BBS2: variants seen among roughly 807,000 people sequenced by gnomAD.
BBS2 encodes BBSome complex member BBS2.
A neutral mutation model predicts 83.0 loss-of-function variants in BBS2; 62 were observed. The ratio of observed to expected loss-of-function variants is 0.75; its 90% CI spans 0.61 to 0.92. BBS2 has a LOEUF of 0.92. Among genes scored for constraint, BBS2 ranks in the 40% least tolerant of loss-of-function variants. BBS2 has a pLI of 0.00. For synonymous variants in BBS2, 303 were observed against 326.1 expected (o/e 0.93, Z 0.76); for missense variants, 784 against 901.0 (o/e 0.87, Z 1.66).
At position 56,497,878 on chromosome 16, in the gene BBS2, G is replaced by A. The variant is rs774112668; in HGVS notation, c.1662C>T (p.Ile554=). Residue 554 remains isoleucine, a splice_region_variant and synonymous_variant, in exon 14 of 17, where the codon ATC becomes ATT. Coordinates refer to ENST00000245157, the MANE Select transcript of BBS2 (RefSeq NM_031885.5). The part of the protein sequence containing the change: ...LHIKIKLSGE[I]TINTDDIDLA... ...AATCAATATCATCAGTATTTATAGT[G>A]ATCTACCCAGAGAAAAAATAGACAA... 2 of 1,609,346 alleles carry A rather than the reference G, an allele frequency of 1.2e-6. No homozygotes were observed. The highest frequency in any genetic ancestry group is 1.7e-6 in the Non-Finnish European group (2 of 1,179,738).
chr16:56,492,056 T>TC (rs1567568779), intron 15 of BBS2, among the ~76,000 whole-genome samples: 42 of 151,132 alleles, frequency 2.8e-4, no homozygotes, highest in African/African-American at 9.7e-4. Context: ...AATGATTAAA[T>TC]ATTAAAAATT....
chr16:56,501,935 T>C, intron 9 of BBS2: 2 of 371,744 alleles, frequency 5.4e-6, no homozygotes, highest in East Asian at 6.7e-5. Context: ...ACATTCTATA[T>C]TGTTCTTGCC....
At chr16:56,495,872 A>C (rs778350173) in intron 15 of BBS2, among the ~76,000 whole-genome samples, 1 of 151,732 alleles carries the variant, frequency 6.6e-6, no homozygotes, top group Non-Finnish European at 1.5e-5. Context: ...CAATGTCCAA[A>C]ATTTGCCTCA....
chr16:56,516,413 T>C (rs904406558), intron 1 of BBS2, among the ~76,000 whole-genome samples: 2 of 152,220 alleles, frequency 1.3e-5, no homozygotes, highest in Non-Finnish European at 2.9e-5. Flanking sequence ...TATATGTTTT[T>C]TGAGACGGAG....
chr16:56,500,624 CAAAAAAAA>C, intron 11 of BBS2: 1 of 291,498 alleles, frequency 3.4e-6, no homozygotes, highest in East Asian at 6.9e-5. Context: ...GAATCTGTCT[CAAAAAAAA>C]AAAAAAAAAA....
At chr16:56,473,092 G>A (rs1234254570) in intron 17 of BBS2, among the ~76,000 whole-genome samples, 6 of 152,038 alleles carry the variant, frequency 3.9e-5, no homozygotes, top group African/African-American at 4.8e-5. Flanking sequence ...CACCACGCCC[G>A]GCTAACGTTT....
In BBS2 at chr16:56,499,622, T is replaced by C; in HGVS notation, c.1527+156A>G. ...AGAAGGTATTTTAGCAATATTTTTA[T>C]TACAGGTTACAAGCCACCCCCAAGT... On this transcript the variant is annotated intron_variant, in intron 12 of 16. Transcript: ENST00000245157. 3 of 946,356 alleles carry C rather than the reference T, an allele frequency of 3.2e-6. No individual in the cohort carries two copies. The South Asian group carries it at 4.2e-5, about 13-fold the overall frequency. 58.6% of individuals were successfully genotyped at this position (946,356 alleles called of 1,614,324 possible).
chr16:56,497,166 A>G (rs1597011981), intron 14 of BBS2, 87 bp from the exon 15 acceptor site: 1 of 881,148 alleles, frequency 1.1e-6, no homozygotes, highest in East Asian at 2.4e-5. Context: ...TACCAGATAC[A>G]GAGACCCCCT....
intron 5 of BBS2, 197 bp downstream of exon 5, chr16:56,509,760 T>G: frequency 3.5e-6 from 2 of 571,164 alleles, no homozygotes; most frequent in Non-Finnish European, 6.3e-6. Context: ...TTAATCAGTC[T>G]TTTCAAAATA....
chr16:56,519,083 T>C (rs1197318355), intron 1 of BBS2, among the ~76,000 whole-genome samples: 1 of 151,976 alleles, frequency 6.6e-6, no homozygotes, highest in African/African-American at 2.4e-5. Context: ...GTAATCCTAG[T>C]ACTTTGGGAG....
intron 15 of BBS2, among the ~76,000 whole-genome samples, chr16:56,494,649 T>C (rs1334695675): frequency 1.3e-5 from 2 of 152,088 alleles, no homozygotes; most frequent in African/African-American, 4.8e-5. Flanking sequence ...GAGACTTCCA[T>C]TGCCCACAGA....
At chr16:56,492,894 C>A (rs764306133) in intron 15 of BBS2, among the ~76,000 whole-genome samples, 14 of 152,024 alleles carry the variant, frequency 9.2e-5, no homozygotes, top group Non-Finnish European at 1.9e-4. Context: ...CTCAAACTAT[C>A]CTGGCAAAAA....
intron 5 of BBS2, 61 bp downstream of exon 5, chr16:56,509,896 C>A: frequency 1.9e-6 from 3 of 1,567,142 alleles, no homozygotes; most frequent in East Asian, 2.2e-5. Flanking sequence ...CTTGATGTTT[C>A]ATCTGACAGT....
chr16:56,485,601 C>A lies in BBS2; in HGVS notation c.2048G>T (p.Gly683Val), dbSNP rs771242885. The part of the protein sequence containing the change: ...KAVNQAIQRA[G>V]RLRVGKPKNQ... ...GAAAAGAGACTTACCCCGCAGACGA[C>A]CTGCTCTTTGAATTGCTTGATTTAC... is the stretch of plus-strand genomic sequence containing the variant. Residue 683 changes from glycine (G) to valine (V), a missense_variant, in exon 16 of 17, where the codon GGT becomes GTT. By Grantham distance (109) the Gly-to-Val change is moderately radical (BLOSUM62 -3). Coordinates refer to ENST00000245157, the MANE Select transcript of BBS2 (RefSeq NM_031885.5). 1.2e-6 allele frequency: 2 copies of A among 1,614,140 alleles called. No individual in the cohort carries two copies. The highest frequency in any genetic ancestry group is 1.7e-5 in the Admixed American group (1 of 60,032).
At chr16:56,504,074 G>A (rs1392945324) in intron 7 of BBS2, among the ~76,000 whole-genome samples, 1 of 152,118 alleles carries the variant, frequency 6.6e-6, no homozygotes, top group Non-Finnish European at 1.5e-5. Context: ...GCAAAACTTT[G>A]CAACCAAAAC....
chr16:56,474,118 C>T (rs1310540167), intron 17 of BBS2, among the ~76,000 whole-genome samples: 1 of 151,978 alleles, frequency 6.6e-6, no homozygotes, highest in East Asian at 1.9e-4. Flanking sequence ...TAATTTTGTT[C>T]AGCATGGTTT....
chr16:56,480,998 A>G (rs542086389), downstream of BBS2, among the ~76,000 whole-genome samples: 1 of 152,196 alleles, frequency 6.6e-6, no homozygotes, highest in Non-Finnish European at 1.5e-5. Context: ...GATGGAAAAG[A>G]GGCAAAATGC....
At chr16:56,478,048 CACT>C (rs2144076504) in intron 17 of BBS2, 1 of 152,244 alleles carries the variant, frequency 6.6e-6, no homozygotes, top group South Asian at 2.1e-4. Context: ...TGTTATAAAA[CACT>C]AATTTTTAAA....
Position 56,502,702 on chromosome 16 carries a change from T to C in BBS2, c.911A>G (p.Gln304Arg). The C allele has an allele frequency of 6.2e-7, 1 of 1,614,176 alleles. No individual in the cohort carries two copies. Among genetic ancestry groups the C allele is most frequent in the East Asian group, 2.2e-5 (1 of 44,874 alleles). The change falls in exon 8 of 17, where the codon CAG becomes CGG. Residue 304 changes from glutamine to arginine, a missense_variant. Transcript: ENST00000245157. ...EGDYRMDGHIQLICCSVDGEI... is the reference protein window; with the variant it reads ...EGDYRMDGHIRLICCSVDGEI... ...CCCATCCACTGAGCAGCAGATTAACTGTATGTGGCCATCCATCCGGTAATC... is the reference window on the plus strand; with the variant it reads ...CCCATCCACTGAGCAGCAGATTAACCGTATGTGGCCATCCATCCGGTAATC...
Sources: allele counts gnomAD v4.1 joint callset (sites outside exome capture counted in the v4.1 genomes callset), GRCh38; gene constraint gnomAD v4.1.1; transcripts MANE v1.5; gene names NCBI Gene and HGNC (gene_info 2026-07-23, HGNC 2026-07-21).